PITPNC1: variants seen among roughly 807,000 people sequenced by gnomAD.
PITPNC1 encodes cytoplasmic phosphatidylinositol transfer protein 1.
Under a neutral mutation model 44.7 loss-of-function variants are expected in PITPNC1, and 18 were observed. The observed-to-expected ratio is 0.40, with a 90% CI of 0.28 to 0.60. The LOEUF (loss-of-function observed/expected upper bound fraction) is 0.60. PITPNC1 is among the 20% of genes least tolerant of loss of function. The probability of loss-of-function intolerance (pLI) is 0.39; values close to 1 mark genes in which losing one functional copy is unlikely to be tolerated. For missense variants in PITPNC1, 290 were observed against 418.4 expected (o/e 0.69, Z 2.68); for synonymous variants, 141 against 149.6 (o/e 0.94, Z 0.42).
At chr17:67,635,894 T>C (rs1392841707) in intron 6 of PITPNC1, among the ~76,000 whole-genome samples, 1 of 152,202 alleles carries the variant, frequency 6.6e-6, no homozygotes, top group East Asian at 1.9e-4. Context: ...GCAATGCCTA[T>C]AGACATTCTT....
intron 1 of PITPNC1, among the ~76,000 whole-genome samples, chr17:67,444,848 G>A (rs189740971): frequency 7.2e-4 from 109 of 152,158 alleles, no homozygotes; most frequent in Non-Finnish European, 4.7e-4. Flanking sequence ...AGTGAGCCAA[G>A]ATCGCACCAC....
At chr17:67,608,491 CTTT>C (rs143100082) in intron 5 of PITPNC1, among the ~76,000 whole-genome samples, 4 of 132,978 alleles carry the variant, frequency 3.0e-5, no homozygotes, top group Non-Finnish European at 4.9e-5. Context: ...TGTTTCTCAG[CTTT>C]TTTTTTTTTT....
intron 1 of PITPNC1, among the ~76,000 whole-genome samples, chr17:67,527,476 G>A (rs568389115): frequency 3.8e-4 from 58 of 152,278 alleles, no homozygotes; most frequent in African/African-American, 1.3e-3. Flanking sequence ...AGGCCGAGGC[G>A]GATGGATCAT....
intron 1 of PITPNC1, among the ~76,000 whole-genome samples, chr17:67,386,829 G>A (rs1310607766): frequency 6.6e-6 from 1 of 152,090 alleles, no homozygotes; most frequent in Non-Finnish European, 1.5e-5. Flanking sequence ...AACAGACTGA[G>A]TTCTAGAAAT....
intron 5 of PITPNC1, among the ~76,000 whole-genome samples, chr17:67,609,339 G>A (rs569487385): frequency 7.4e-5 from 11 of 148,872 alleles, no homozygotes; most frequent in East Asian, 5.9e-4. Context: ...TGCCCAGGCC[G>A]GGTGCAATGG....
intron 2 of PITPNC1, among the ~76,000 whole-genome samples, chr17:67,549,107 C>T (rs1490791098): frequency 6.6e-6 from 1 of 152,146 alleles, no homozygotes; most frequent in Non-Finnish European, 1.5e-5. Flanking sequence ...GTTGCAAATA[C>T]CTCTCGCGTC....
chr17:67,660,161 G>C (rs559855690), intron 6 of PITPNC1, among the ~76,000 whole-genome samples: 6 of 152,328 alleles, frequency 3.9e-5, no homozygotes, highest in Admixed American at 3.9e-4. Flanking sequence ...AGGATTACAG[G>C]CATGAGGCAC....
chr17:67,575,795 CTTCT>C lies in PITPNC1; in HGVS notation c.295-2367_295-2364del, dbSNP rs1191296746. On this transcript the variant is annotated intron_variant, in intron 4 of 8. Coordinates refer to ENST00000581322, the MANE Select transcript of PITPNC1 (RefSeq NM_012417.4). ...TTTCTTTCTTTCTTTTCTTTCTTTCCTTCTTTCTTTCTTTCTTTCTTTCTTTCCT... is the reference window on the plus strand; with the variant it reads ...TTTCTTTCTTTCTTTTCTTTCTTTCCTTCTTTCTTTCTTTCTTTCTTTCCT... Among the ~76,000 whole-genome samples, 71 of 131,016 alleles carry C rather than the reference CTTCT, an allele frequency of 5.4e-4. 2 individuals are homozygous for C. Among genetic ancestry groups the C allele is most frequent in the South Asian group, 3.2e-3 (13 of 4,118 alleles). The allele number at this position is 131,016 out of a possible 152,430, so 86.0% of individuals were successfully genotyped here.
chr17:67,395,451 G>A (rs1387654618), intron 1 of PITPNC1, among the ~76,000 whole-genome samples: 1 of 152,142 alleles, frequency 6.6e-6, no homozygotes, highest in African/African-American at 2.4e-5. Context: ...ACCTGGCCTG[G>A]ACAGGTAGTT....
chr17:67,499,199 A>G (rs1448930091), intron 1 of PITPNC1, among the ~76,000 whole-genome samples: 2 of 151,278 alleles, frequency 1.3e-5, no homozygotes, highest in African/African-American at 4.9e-5. Flanking sequence ...AGAAATATCT[A>G]TTCAAGTCCT....
chr17:67,412,589 G>A (rs745376466), intron 1 of PITPNC1, among the ~76,000 whole-genome samples: 6 of 151,564 alleles, frequency 4.0e-5, no homozygotes, highest in East Asian at 1.9e-4. Context: ...TTTTTGAGAC[G>A]GAGTTTCGCT....
chr17:67,493,785 A>C (rs1042622438), intron 1 of PITPNC1, among the ~76,000 whole-genome samples: 3 of 152,188 alleles, frequency 2.0e-5, no homozygotes, highest in Admixed American at 2.0e-4. Flanking sequence ...TATGACTGAT[A>C]AGCCTTCTTT....
intron 8 of PITPNC1, among the ~76,000 whole-genome samples, chr17:67,675,972 C>T (rs1322237674): frequency 4.6e-5 from 7 of 152,196 alleles, no homozygotes; most frequent in East Asian, 1.9e-4. Context: ...TTTGGGAGGC[C>T]GAGGCGGGCA....
chr17:67,637,457 AG>A (rs1234134721), intron 6 of PITPNC1, among the ~76,000 whole-genome samples: 1 of 152,116 alleles, frequency 6.6e-6, no homozygotes, highest in African/African-American at 2.4e-5. Flanking sequence ...AACCCAGACC[AG>A]GGTTATCTGG....
intron 1 of PITPNC1, among the ~76,000 whole-genome samples, chr17:67,483,675 CCTAT>C (rs1051060145): frequency 6.6e-6 from 1 of 152,176 alleles, no homozygotes; most frequent in African/African-American, 2.4e-5. Context: ...CATTCACCCT[CCTAT>C]CTGAGAGCAG....
intron 1 of PITPNC1, among the ~76,000 whole-genome samples, chr17:67,419,132 C>G (rs1409464689): frequency 1.3e-5 from 2 of 150,344 alleles, no homozygotes; most frequent in East Asian, 3.9e-4. Flanking sequence ...TGGCTTTCAA[C>G]TATAAGTAAA....
intron 1 of PITPNC1, among the ~76,000 whole-genome samples, chr17:67,390,125 C>G (rs2038116602): frequency 6.6e-6 from 1 of 152,094 alleles, no homozygotes; most frequent in Non-Finnish European, 1.5e-5. Context: ...CGGTCCCCGT[C>G]CATAAGGAGA....
Position 67,669,674 on chromosome 17 carries a change from C to T in PITPNC1, c.618+11C>T, listed in dbSNP as rs1248766183. 6.3e-7 allele frequency: 1 copy of T among 1,575,684 alleles called. No individual in the cohort carries two copies. The highest frequency in any genetic ancestry group is 1.8e-5 in the Admixed American group (1 of 54,602). On this transcript the variant is annotated intron_variant, in intron 7 of 8. Transcript: ENST00000581322. ...CAATTTGTACACAAGGTAAGTGGTCCAACAGCAGTTCCTGGGCTGTGGACA... is the reference window on the plus strand; with the variant it reads ...CAATTTGTACACAAGGTAAGTGGTCTAACAGCAGTTCCTGGGCTGTGGACA...
At chr17:67,647,702 T>G (rs148135628) in intron 6 of PITPNC1, among the ~76,000 whole-genome samples, 6 of 151,970 alleles carry the variant, frequency 3.9e-5, no homozygotes, top group Non-Finnish European at 7.4e-5. Context: ...CTTTTCTCAC[T>G]TTAGCATCCA....
Sources: gnomAD v4.1 joint callset for allele counts (sites outside exome capture counted in the v4.1 genomes callset) on GRCh38, gnomAD v4.1.1 for gene constraint, MANE v1.5 for transcripts, NCBI Gene and HGNC (gene_info 2026-07-23, HGNC 2026-07-21) for gene names.